SH3RF1: variants seen among roughly 807,000 people sequenced by gnomAD.
SH3RF1 encodes the protein SH3 domain containing ring finger 1, also known as E3 ubiquitin-protein ligase SH3RF1.
SH3RF1 carries 32 observed loss-of-function variants against 74.0 expected under a neutral mutation model. That is an observed-to-expected ratio of 0.43 (90% CI 0.33 to 0.58). The LOEUF (loss-of-function observed/expected upper bound fraction) is 0.58, where lower values mean the gene tolerates loss of function less well. Among genes scored for constraint, SH3RF1 ranks in the 20% least tolerant of loss-of-function variants. The pLI, the probability that SH3RF1 is intolerant of heterozygous loss-of-function variation, is 0.05. For synonymous variants in SH3RF1, 396 were observed against 439.6 expected (o/e 0.90, Z 1.24); for missense variants, 954 against 1,130.9 (o/e 0.84, Z 2.24).
chr4:169,242,735 G>A (rs1472667153), intron 2 of SH3RF1, among the ~76,000 whole-genome samples: 1 of 152,122 alleles, frequency 6.6e-6, no homozygotes, highest in Non-Finnish European at 1.5e-5. Context: ...TGTTATAAAA[G>A]CGCGTTTGGC....
intron 4 of SH3RF1, among the ~76,000 whole-genome samples, chr4:169,144,472 G>A (rs367550186): frequency 4.6e-5 from 7 of 152,142 alleles, no homozygotes; most frequent in African/African-American, 1.4e-4. Context: ...TCACCCAAAT[G>A]TTTTTTGAGT....
chr4:169,240,571 G>C (rs1415235294), intron 2 of SH3RF1, among the ~76,000 whole-genome samples: 10 of 152,270 alleles, frequency 6.6e-5, no homozygotes, highest in African/African-American at 2.4e-4. Context: ...GTATTAAGGA[G>C]TTTTTGAGTT....
chr4:169,224,500 T>C (rs1360362620), intron 2 of SH3RF1, among the ~76,000 whole-genome samples: 2 of 152,164 alleles, frequency 1.3e-5, no homozygotes, highest in Non-Finnish European at 2.9e-5. Flanking sequence ...GTATTTTTAG[T>C]AGAGACGGGG....
intron 8 of SH3RF1, among the ~76,000 whole-genome samples, chr4:169,118,830 G>C (rs949036987): frequency 6.6e-6 from 1 of 152,150 alleles, no homozygotes; most frequent in Non-Finnish European, 1.5e-5. Flanking sequence ...CAGGGCCAGT[G>C]TGAAATAACT....
At chr4:169,106,826 C>A in intron 11 of SH3RF1, 21 bp downstream of exon 11, 1 of 1,516,658 alleles carries the variant, frequency 6.6e-7, no homozygotes, top group Non-Finnish European at 8.8e-7. Context: ...TAGTTTTTTC[C>A]TGGAACGAAG....
At chr4:169,157,271 A>T (rs1734074703) in intron 2 of SH3RF1, among the ~76,000 whole-genome samples, 1 of 152,222 alleles carries the variant, frequency 6.6e-6, no homozygotes, top group African/African-American at 2.4e-5. Context: ...ACTCCTGGAT[A>T]CAGCAGTGAG....
chr4:169,170,714 G>T (rs1734313622), intron 2 of SH3RF1, among the ~76,000 whole-genome samples: 1 of 152,058 alleles, frequency 6.6e-6, no homozygotes, highest in Admixed American at 6.6e-5. Flanking sequence ...ATATAGATCT[G>T]CCAGATTCAT....
At chr4:169,179,896 C>T (rs1439899412) in intron 2 of SH3RF1, among the ~76,000 whole-genome samples, 1 of 152,108 alleles carries the variant, frequency 6.6e-6, no homozygotes, top group East Asian at 1.9e-4. Context: ...CTAAGTCATA[C>T]CAGAAGCCTT....
At chr4:169,223,030 T>C (rs1240016276) in intron 2 of SH3RF1, among the ~76,000 whole-genome samples, 2 of 152,184 alleles carry the variant, frequency 1.3e-5, no homozygotes, top group South Asian at 2.1e-4. Flanking sequence ...GAAACACATG[T>C]GACATTGCCT....
chr4:169,165,895 G>C (rs1734234116), intron 2 of SH3RF1, among the ~76,000 whole-genome samples: 1 of 152,118 alleles, frequency 6.6e-6, no homozygotes, highest in African/African-American at 2.4e-5. Flanking sequence ...AGAACAATTA[G>C]AAGCCCATGG....
At chr4:169,101,265 T>C (rs1026174641) in intron 11 of SH3RF1, among the ~76,000 whole-genome samples, 1 of 152,164 alleles carries the variant, frequency 6.6e-6, no homozygotes, top group Non-Finnish European at 1.5e-5. Flanking sequence ...TTTTTTAAAA[T>C]GTACAAAGCT....
intron 2 of SH3RF1, among the ~76,000 whole-genome samples, chr4:169,207,920 T>C (rs1730287454): frequency 6.6e-6 from 1 of 151,622 alleles, no homozygotes; most frequent in East Asian, 1.9e-4. Context: ...AATGACACCA[T>C]GGGGGGTGTC....
At chr4:169,148,946 C>T (rs927904138) in intron 4 of SH3RF1, among the ~76,000 whole-genome samples, 4 of 152,022 alleles carry the variant, frequency 2.6e-5, no homozygotes, top group East Asian at 3.9e-4. Flanking sequence ...AAAATATGGC[C>T]AGGTTAAAGA....
intron 2 of SH3RF1, among the ~76,000 whole-genome samples, chr4:169,210,154 C>G (rs1289835360): frequency 6.6e-6 from 1 of 152,084 alleles, no homozygotes; most frequent in East Asian, 1.9e-4. Flanking sequence ...TTCCTGCCTT[C>G]CTCTCTCACT....
intron 2 of SH3RF1, among the ~76,000 whole-genome samples, chr4:169,220,841 T>A (rs1561056650): frequency 6.6e-6 from 1 of 152,198 alleles, no homozygotes; most frequent in East Asian, 1.9e-4. Context: ...ATACATTGTA[T>A]TAGGTTAGTA....
intron 2 of SH3RF1, among the ~76,000 whole-genome samples, chr4:169,260,927 T>C (rs190003709): frequency 3.9e-5 from 6 of 152,278 alleles, no homozygotes; most frequent in Admixed American, 1.3e-4. Context: ...TCATCCCAAA[T>C]AGAAATGAAA....
At chr4:169,173,383 C>T (rs1734364209) in intron 2 of SH3RF1, among the ~76,000 whole-genome samples, 2 of 151,656 alleles carry the variant, frequency 1.3e-5, no homozygotes, top group Admixed American at 1.3e-4. Context: ...GTTATTCAGA[C>T]TGTATGTCTT....
At position 169,096,364 on chromosome 4, in the gene SH3RF1, C is replaced by T. The variant is rs775460725; in HGVS notation, c.*155G>A. Reference sequence around the variant, plus strand: ...ACACAAACATCTTCTTCATTCTGCTCGCTGGGGTAACTGTGCTGGGGCATC... The same window carrying T: ...ACACAAACATCTTCTTCATTCTGCTTGCTGGGGTAACTGTGCTGGGGCATC... On this transcript the variant is annotated 3_prime_UTR_variant, in exon 12 of 12. Transcript: ENST00000284637. 60 of 727,526 alleles carry T rather than the reference C, an allele frequency of 8.2e-5. No homozygotes were observed. The highest frequency in any genetic ancestry group is 2.1e-4 in the Admixed American group (7 of 33,560). 45.1% of individuals were successfully genotyped at this position (727,526 alleles called of 1,614,324 possible).
chr4:169,134,607 C>T (rs759424767), intron 5 of SH3RF1, among the ~76,000 whole-genome samples: 20 of 152,212 alleles, frequency 1.3e-4, no homozygotes, highest in Non-Finnish European at 2.4e-4. Context: ...TGGCCATCTT[C>T]ACTAGCTCCC....
Sources: allele counts gnomAD v4.1 joint callset (sites outside exome capture counted in the v4.1 genomes callset), GRCh38; gene constraint gnomAD v4.1.1; transcripts MANE v1.5; gene names NCBI Gene and HGNC (gene_info 2026-07-23, HGNC 2026-07-21).